The following ANKRD30B variants were observed in gnomAD, a reference collection of about 807,000 sequenced individuals.
The protein encoded by ANKRD30B is ankyrin repeat domain-containing protein 30B.
In ANKRD30B, 144 loss-of-function variants were observed where a neutral mutation model predicts 202.2. The ratio of observed to expected loss-of-function variants is 0.71; its 90% CI spans 0.62 to 0.82. ANKRD30B has a LOEUF of 0.82. Among genes scored for constraint, ANKRD30B ranks in the 40% least tolerant of loss-of-function variants. The probability of loss-of-function intolerance (pLI) is 0.00; values close to 1 mark genes in which losing one functional copy is unlikely to be tolerated. For synonymous variants in ANKRD30B, 508 were observed against 561.3 expected (o/e 0.91, Z 1.34); for missense variants, 1,487 against 1,669.1 (o/e 0.89, Z 1.90).
At chr18:14,866,600 G>A in the ANKRD30B span, among the ~76,000 whole-genome samples, 29 of 152,170 alleles carry the variant, frequency 1.9e-4, no homozygotes, top group East Asian at 3.9e-4. Context: ...TGGTGGCAAC[G>A]GAGACTGCAT....
intron 41 of ANKRD30B, among the ~76,000 whole-genome samples, chr18:14,851,182 T>C (rs1440430321): frequency 6.6e-6 from 1 of 151,722 alleles, no homozygotes; most frequent in Non-Finnish European, 1.5e-5. Flanking sequence ...TTGTATGTAG[T>C]CAAATTGATT....
At chr18:14,899,146 T>G in the ANKRD30B span, among the ~76,000 whole-genome samples, 2 of 152,158 alleles carry the variant, frequency 1.3e-5, no homozygotes, top group Admixed American at 6.6e-5. Flanking sequence ...AAATTTTGTT[T>G]TAGGTTAGTA....
chr18:14,891,916 T>C, the ANKRD30B span, among the ~76,000 whole-genome samples: 1 of 152,252 alleles, frequency 6.6e-6, no homozygotes, highest in South Asian at 2.1e-4. Context: ...ATAAATTCAT[T>C]GATTCAGCAT....
the ANKRD30B span, among the ~76,000 whole-genome samples, chr18:14,903,148 C>T: frequency 1.3e-5 from 2 of 152,176 alleles, no homozygotes; most frequent in Non-Finnish European, 2.9e-5. Context: ...GCAGTGGCCT[C>T]ACTGCAATCT....
chr18:14,824,542 A>T (rs1568050729), intron 32 of ANKRD30B, among the ~76,000 whole-genome samples: 1 of 152,192 alleles, frequency 6.6e-6, no homozygotes, highest in African/African-American at 2.4e-5. Context: ...TGATTAGCTT[A>T]GAATAATGAT....
At chr18:14,868,073 G>A in the ANKRD30B span, among the ~76,000 whole-genome samples, 2 of 152,372 alleles carry the variant, frequency 1.3e-5, no homozygotes, top group East Asian at 3.9e-4. Context: ...CGGTAGGAGG[G>A]TACCTGTGGA....
chr18:14,815,376 A>G (rs1244315741), intron 30 of ANKRD30B, among the ~76,000 whole-genome samples: 1 of 151,468 alleles, frequency 6.6e-6, no homozygotes, highest in East Asian at 1.9e-4. Context: ...TTAACAATTC[A>G]CACTGTGATT....
the ANKRD30B span, among the ~76,000 whole-genome samples, chr18:14,862,096 AAACAT>A: frequency 6.6e-6 from 1 of 152,088 alleles, no homozygotes; most frequent in African/African-American, 2.4e-5. Flanking sequence ...ATGAAAATAG[AAACAT>A]AACATACCAA....
the ANKRD30B span, among the ~76,000 whole-genome samples, chr18:14,933,432 A>G: frequency 2.6e-5 from 4 of 151,958 alleles, no homozygotes; most frequent in Non-Finnish European, 4.4e-5. Flanking sequence ...GCCAGGTGGG[A>G]GCTGGGCCTG....
At chr18:14,907,059 T>C in the ANKRD30B span, among the ~76,000 whole-genome samples, 1,569 of 152,264 alleles carry the variant, frequency 0.01, 22 homozygotes, top group African/African-American at 0.036. Context: ...AAAGTTCTTA[T>C]TATGAAGATG....
At chr18:14,841,390 C>T (rs1971413975) in intron 37 of ANKRD30B, among the ~76,000 whole-genome samples, 2 of 152,140 alleles carry the variant, frequency 1.3e-5, no homozygotes, top group South Asian at 4.1e-4. Flanking sequence ...CCTTGGACCT[C>T]ACTCTTAAGT....
At chr18:14,883,404 T>TCTC in the ANKRD30B span, 1 of 21,872 alleles carries the variant, frequency 4.6e-5, no homozygotes, top group African/African-American at 1.6e-4. Flanking sequence ...TCTCTCTATA[T>TCTC]ATATATATAT....
intron 6 of ANKRD30B, among the ~76,000 whole-genome samples, chr18:14,761,050 G>C (rs1183506885): frequency 6.6e-6 from 1 of 152,056 alleles, no homozygotes; most frequent in Non-Finnish European, 1.5e-5. Context: ...CCACTTTAAT[G>C]AATTAATATA....
At chr18:14,897,515 T>C in the ANKRD30B span, among the ~76,000 whole-genome samples, 1,562 of 152,240 alleles carry the variant, frequency 0.01, 12 homozygotes, top group Non-Finnish European at 0.015. Context: ...GTGTACATTC[T>C]TGGGAATTGT....
rs185580472 is a variant in ANKRD30B, at chr18:14,849,410, G to C, written c.3395+481G>C. On this transcript the variant is annotated intron_variant, in intron 40 of 43. Coordinates refer to ENST00000690538, the MANE Select transcript of ANKRD30B (RefSeq NM_001367607.2). ...AGTTCAACAAAGACAGTGTGAAACG[G>C]CCATTCTTCTCTCTCCAAGAATCAA... 1.5e-4 allele frequency among the ~76,000 whole-genome samples: 23 copies of C among 151,680 alleles called. 1 individual carries two copies. The East Asian group carries it at 4.2e-3, about 28-fold the overall frequency.
At chr18:14,908,583 A>G in the ANKRD30B span, among the ~76,000 whole-genome samples, 1 of 151,980 alleles carries the variant, frequency 6.6e-6, no homozygotes, top group Non-Finnish European at 1.5e-5. Context: ...TGACCTCACC[A>G]TCATCCATGT....
chr18:14,832,724 A>C (rs1971005901), intron 34 of ANKRD30B, among the ~76,000 whole-genome samples: 1 of 152,210 alleles, frequency 6.6e-6, no homozygotes, highest in Non-Finnish European at 1.5e-5. Flanking sequence ...TGCGTTTCTA[A>C]AATATGACTT....
At chr18:14,767,925 C>A (rs1916509444) in intron 7 of ANKRD30B, among the ~76,000 whole-genome samples, 2 of 152,148 alleles carry the variant, frequency 1.3e-5, no homozygotes, top group African/African-American at 4.8e-5. Flanking sequence ...ATTGTGAAAT[C>A]TATATTTGGT....
rs1186483738 is a variant in ANKRD30B at position 14,803,857 on chromosome 18, G to C, written c.2284+33G>C. The C allele has an allele frequency of 1.0e-5, 16 of 1,529,688 alleles. No individual in the cohort carries two copies. In the East Asian group the frequency reaches 3.7e-4, roughly 36 times the overall value. The allele number at this position is 1,529,688 out of a possible 1,614,324, so 94.8% of individuals were successfully genotyped here. ...CCATATTTTATTTAAAAAGTCATTTGACCAAATGTTTCTCTGAACTGATGA... is the reference window on the plus strand; with the variant it reads ...CCATATTTTATTTAAAAAGTCATTTCACCAAATGTTTCTCTGAACTGATGA... On this transcript the variant is annotated intron_variant, in intron 24 of 43. Transcript: ENST00000690538.
Sources: gnomAD v4.1 joint callset for allele counts (sites outside exome capture counted in the v4.1 genomes callset) on GRCh38, gnomAD v4.1.1 for gene constraint, MANE v1.5 for transcripts, NCBI Gene and HGNC (gene_info 2026-07-23, HGNC 2026-07-21) for gene names.